Variants in AFG2A observed in about 807,000 individuals in gnomAD.
AFG2A encodes AAA ATPase AFG2A, also known as ATPase family gene 2 protein homolog A.
the AFG2A span, chr4:123,316,820 ACT>A: frequency 1.3e-5 from 2 of 151,882 alleles, no homozygotes; most frequent in Admixed American, 1.3e-4. Flanking sequence ...AATAACCAAC[ACT>A]CTCAGCACAA....
At chr4:123,060,949 A>G in the AFG2A span, among the ~76,000 whole-genome samples, 1 of 152,148 alleles carries the variant, frequency 6.6e-6, no homozygotes, top group African/African-American at 2.4e-5. Flanking sequence ...TCAAAGTTCT[A>G]CAGATCTCTA....
At chr4:122,999,639 G>C in the AFG2A span, among the ~76,000 whole-genome samples, 4 of 151,986 alleles carry the variant, frequency 2.6e-5, no homozygotes, top group African/African-American at 9.7e-5. Flanking sequence ...CATTATTTCT[G>C]AGGGCTCTGT....
At chr4:122,989,540 G>C in the AFG2A span, among the ~76,000 whole-genome samples, 2 of 152,148 alleles carry the variant, frequency 1.3e-5, no homozygotes, top group African/African-American at 4.8e-5. Flanking sequence ...TTGAATTCAG[G>C]ACCATAGTGG....
chr4:122,947,205 T>G, the AFG2A span: 3 of 1,494,354 alleles, frequency 2.0e-6, no homozygotes, highest in African/African-American at 2.8e-5. Context: ...TTCAGAAAAA[T>G]AAATTTATTT....
chr4:123,066,027 G>A, the AFG2A span, among the ~76,000 whole-genome samples: 2 of 152,132 alleles, frequency 1.3e-5, no homozygotes, highest in African/African-American at 2.4e-5. Context: ...TGGCACTAGA[G>A]AATCTATATT....
the AFG2A span, among the ~76,000 whole-genome samples, chr4:122,958,780 G>T: frequency 6.6e-6 from 1 of 152,106 alleles, no homozygotes; most frequent in African/African-American, 2.4e-5. Flanking sequence ...ACCTCATTAT[G>T]CATCAGGCTC....
At chr4:122,976,634 T>C in the AFG2A span, among the ~76,000 whole-genome samples, 2 of 152,146 alleles carry the variant, frequency 1.3e-5, no homozygotes, top group East Asian at 3.8e-4. Flanking sequence ...CTTTTAGATC[T>C]CTCCCTTGCT....
chr4:123,101,657 T>C, the AFG2A span, among the ~76,000 whole-genome samples: 1 of 152,014 alleles, frequency 6.6e-6, no homozygotes, highest in African/African-American at 2.4e-5. Context: ...TTGAACTTTT[T>C]GCTTATAGTG....
the AFG2A span, among the ~76,000 whole-genome samples, chr4:122,972,109 C>T: frequency 6.6e-6 from 1 of 152,028 alleles, no homozygotes; most frequent in Admixed American, 6.6e-5. Flanking sequence ...TATTTGGTGA[C>T]ATTTATCAGT....
At chr4:123,226,844 CT>C in the AFG2A span, among the ~76,000 whole-genome samples, 2 of 152,044 alleles carry the variant, frequency 1.3e-5, no homozygotes, top group Non-Finnish European at 2.9e-5. Flanking sequence ...TGGTCCTGGA[CT>C]TTTTTTCGTT....
the AFG2A span, among the ~76,000 whole-genome samples, chr4:123,289,726 CG>C: frequency 1.3e-5 from 2 of 151,972 alleles, no homozygotes; most frequent in African/African-American, 4.8e-5. Context: ...CTATTCTGAC[CG>C]GGGTAAGATG....
At chr4:123,183,965 CATTCATTT>C in the AFG2A span, among the ~76,000 whole-genome samples, 2 of 149,910 alleles carry the variant, frequency 1.3e-5, no homozygotes, top group Middle Eastern at 3.4e-3. Context: ...TTCATTCATT[CATTCATTT>C]ATGGTAGAGA....
the AFG2A span, among the ~76,000 whole-genome samples, chr4:123,138,276 A>G: frequency 1.3e-5 from 2 of 152,118 alleles, no homozygotes; most frequent in Non-Finnish European, 2.9e-5. Flanking sequence ...CAGAGCTGCA[A>G]TTTGTACTCT....
chr4:123,276,451 A>G, the AFG2A span, among the ~76,000 whole-genome samples: 2 of 152,058 alleles, frequency 1.3e-5, no homozygotes, highest in Admixed American at 1.3e-4. Context: ...CTCTGTCGAT[A>G]GTTTCCTTTG....
At chr4:123,096,272 A>C in the AFG2A span, among the ~76,000 whole-genome samples, 2 of 147,586 alleles carry the variant, frequency 1.4e-5, no homozygotes, top group African/African-American at 5.4e-5. Context: ...AGGACAGATG[A>C]AGATTAATGA....
chr4:123,310,583 C>T, the AFG2A span, among the ~76,000 whole-genome samples: 1 of 151,950 alleles, frequency 6.6e-6, no homozygotes. Flanking sequence ...ATGGTACACA[C>T]GGCATTTACC....
chr4:123,140,955 A>T, the AFG2A span, among the ~76,000 whole-genome samples: 1 of 152,192 alleles, frequency 6.6e-6, no homozygotes, highest in East Asian at 1.9e-4. Context: ...TAGATTGCAT[A>T]ACTAATAACT....
At chr4:123,236,389 C>A in the AFG2A span, among the ~76,000 whole-genome samples, 1 of 152,128 alleles carries the variant, frequency 6.6e-6, no homozygotes, top group South Asian at 2.1e-4. Context: ...TACATAGTTA[C>A]GTCTTGTTTT....
the AFG2A span, among the ~76,000 whole-genome samples, chr4:123,302,126 C>T: frequency 5.9e-5 from 9 of 152,120 alleles, no homozygotes; most frequent in East Asian, 1.9e-4. Context: ...CACCATCCCC[C>T]GAGCCGCTTC....
Sources: allele counts gnomAD v4.1 joint callset (sites outside exome capture counted in the v4.1 genomes callset), GRCh38; gene constraint gnomAD v4.1.1; transcripts MANE v1.5; gene names NCBI Gene and HGNC (gene_info 2026-07-23, HGNC 2026-07-21).